Variants in ATF6 observed in about 807,000 individuals in gnomAD.
ATF6 encodes activating transcription factor 6, also known as cyclic AMP-dependent transcription factor ATF-6 alpha.
Under a neutral mutation model 83.6 loss-of-function variants are expected in ATF6, and 53 were observed. That is an observed-to-expected ratio of 0.63 (90% CI 0.51 to 0.80). ATF6 has a LOEUF of 0.80. ATF6 is among the 30% of genes least tolerant of loss of function. The pLI is 0.00. For missense variants in ATF6, 744 were observed against 797.9 expected, an observed-to-expected ratio of 0.93 and a Z score of 0.81; for synonymous variants, 288 against 285.8, an observed-to-expected ratio of 1.01 and a Z score of -0.08.
chr1:161,937,094 G>A (rs1317289404), intron 15 of ATF6, among the ~76,000 whole-genome samples: 1 of 152,034 alleles, frequency 6.6e-6, no homozygotes. Flanking sequence ...AACATTTTCT[G>A]TATTTACCCT....
At chr1:161,768,973 G>A (rs957689776) in intron 1 of ATF6, among the ~76,000 whole-genome samples, 4 of 152,144 alleles carry the variant, frequency 2.6e-5, no homozygotes, top group African/African-American at 9.7e-5. Flanking sequence ...TAAATAAAGT[G>A]ATTAACTCAG....
At position 161,766,325 on chromosome 1, in the gene ATF6, T is replaced by A. The variant is rs768150981; in HGVS notation, c.-36T>A. 1.3e-6 allele frequency: 2 copies of A among 1,598,352 alleles called. No homozygotes were observed. The highest frequency in any genetic ancestry group is 2.2e-5 in the South Asian group (2 of 90,508). ...CCGCCTGCCGCCGCCGTCCCAGATA[T>A]TAATCACGGAGTTCCAGGGAGAAGG... On this transcript the variant is annotated 5_prime_UTR_variant, in exon 1 of 16. Coordinates refer to ENST00000367942, the MANE Select transcript of ATF6 (RefSeq NM_007348.4).
At chr1:161,874,430 T>A (rs916558963) in intron 14 of ATF6, among the ~76,000 whole-genome samples, 1 of 151,736 alleles carries the variant, frequency 6.6e-6, no homozygotes, top group Non-Finnish European at 1.5e-5. Context: ...TGGAGTCATC[T>A]CTGTCTGATT....
intron 15 of ATF6, among the ~76,000 whole-genome samples, chr1:161,948,596 G>T (rs999922751): frequency 2.0e-5 from 3 of 152,084 alleles, no homozygotes; most frequent in Non-Finnish European, 4.4e-5. Context: ...TTTTTAAAAA[G>T]TAAAATTTTA....
At chr1:161,827,209 G>T (rs1010418413) in intron 9 of ATF6, among the ~76,000 whole-genome samples, 1 of 152,134 alleles carries the variant, frequency 6.6e-6, no homozygotes, top group Non-Finnish European at 1.5e-5. Context: ...GGGATTACAG[G>T]TGTGAGCCAC....
chr1:161,900,282 A>G (rs1415924988), intron 14 of ATF6, among the ~76,000 whole-genome samples: 1 of 152,172 alleles, frequency 6.6e-6, no homozygotes, highest in Admixed American at 6.5e-5. Flanking sequence ...CAATTAGGCT[A>G]TCATAAAACT....
intron 15 of ATF6, among the ~76,000 whole-genome samples, chr1:161,937,798 G>A (rs970516802): frequency 3.3e-5 from 5 of 151,934 alleles, no homozygotes; most frequent in Non-Finnish European, 7.4e-5. Flanking sequence ...TAGATGACAG[G>A]TTGATGGGTG....
intron 9 of ATF6, among the ~76,000 whole-genome samples, chr1:161,836,267 G>T (rs773029091): frequency 1.4e-4 from 21 of 152,030 alleles, no homozygotes; most frequent in African/African-American, 4.8e-4. Flanking sequence ...CCAATTTTTT[G>T]TTGTTGTTGT....
intron 7 of ATF6, among the ~76,000 whole-genome samples, chr1:161,807,808 G>A (rs1460455000): frequency 7.3e-6 from 1 of 136,156 alleles, no homozygotes; most frequent in African/African-American, 2.8e-5. Context: ...ATAAATTTAT[G>A]TTGTGGCAAC....
intron 15 of ATF6, among the ~76,000 whole-genome samples, chr1:161,953,003 T>C (rs1199457205): frequency 6.6e-6 from 1 of 152,190 alleles, no homozygotes; most frequent in East Asian, 1.9e-4. Flanking sequence ...CCATGTTTCA[T>C]TTCCTCATCT....
chr1:161,802,330 C>T, intron 7 of ATF6, 58 bp downstream of exon 7: 1 of 1,480,648 alleles, frequency 6.8e-7, no homozygotes, highest in Non-Finnish European at 9.3e-7. Flanking sequence ...AACAAAAAAA[C>T]ACCTTTTGCT....
chr1:161,866,412 C>T (rs1687001279), intron 14 of ATF6, among the ~76,000 whole-genome samples: 1 of 152,182 alleles, frequency 6.6e-6, no homozygotes, highest in South Asian at 2.1e-4. Context: ...TGGATAACTA[C>T]TGAGTTCCTG....
At chr1:161,825,575 GT>G (rs1685874718) in intron 9 of ATF6, among the ~76,000 whole-genome samples, 1 of 152,118 alleles carries the variant, frequency 6.6e-6, no homozygotes, top group Non-Finnish European at 1.5e-5. Context: ...ACTATTACTG[GT>G]TTTATTATAA....
rs552136972 is a variant in ATF6, at chr1:161,819,953, A to G, written c.1095+135A>G. ...GAAAAGGAGGGTATAATAAGTCCTA[A>G]AACATTTGCAGTAAGGATAAAGCAT... On this transcript the variant is annotated intron_variant, in intron 8 of 15. Coordinates refer to ENST00000367942, the MANE Select transcript of ATF6 (RefSeq NM_007348.4). 18 of 813,430 alleles carry G rather than the reference A, an allele frequency of 2.2e-5. No individual in the cohort carries two copies. The South Asian group carries it at 3.8e-4, about 17-fold the overall frequency. 50.4% of individuals were successfully genotyped at this position (813,430 alleles called of 1,614,324 possible).
At chr1:161,794,951 T>C (rs1684979505) in intron 6 of ATF6, among the ~76,000 whole-genome samples, 1 of 152,192 alleles carries the variant, frequency 6.6e-6, no homozygotes, top group African/African-American at 2.4e-5. Context: ...GAGGAAGGTG[T>C]CTAGGATGAC....
intron 9 of ATF6, among the ~76,000 whole-genome samples, chr1:161,827,075 G>T (rs1397578134): frequency 2.0e-5 from 3 of 152,010 alleles, no homozygotes; most frequent in Non-Finnish European, 4.4e-5. Flanking sequence ...GGGATTACAG[G>T]CACCTGCCAC....
intron 15 of ATF6, among the ~76,000 whole-genome samples, chr1:161,929,861 C>T (rs755841749): frequency 4.6e-5 from 7 of 152,222 alleles, no homozygotes; most frequent in Middle Eastern, 3.2e-3. Context: ...GTAGCCTCTA[C>T]TTGAGACCCA....
chr1:161,768,996 G>C (rs1311851767), intron 1 of ATF6, among the ~76,000 whole-genome samples: 4 of 152,186 alleles, frequency 2.6e-5, no homozygotes, highest in African/African-American at 9.7e-5. Context: ...CAGCCTGTGA[G>C]GGATGTGCTT....
chr1:161,795,693 T>C (rs1399997492), intron 6 of ATF6, among the ~76,000 whole-genome samples: 2 of 152,230 alleles, frequency 1.3e-5, no homozygotes. Context: ...ATTTTGAGCA[T>C]GCTAAAATGG....
Sources: gnomAD v4.1 joint callset for allele counts (sites outside exome capture counted in the v4.1 genomes callset) on GRCh38, gnomAD v4.1.1 for gene constraint, MANE v1.5 for transcripts, NCBI Gene and HGNC (gene_info 2026-07-23, HGNC 2026-07-21) for gene names.